The following DPP10 variants were observed in gnomAD, a reference collection of about 807,000 sequenced individuals.
DPP10 encodes dipeptidyl peptidase like 10.
A neutral mutation model predicts 120.9 loss-of-function variants in DPP10; 33 were observed. That is an observed-to-expected ratio of 0.27 (90% CI 0.21 to 0.37). DPP10 has a LOEUF of 0.37. Ranked by LOEUF, DPP10 falls within the 10% of genes least tolerant of loss-of-function variation. The probability of loss-of-function intolerance (pLI) is 1.00; values close to 1 mark genes in which losing one functional copy is unlikely to be tolerated. For synonymous variants in DPP10, 337 were observed against 326.1 expected (o/e 1.03, Z -0.36); for missense variants, 816 against 942.8 (o/e 0.87, Z 1.76).
At chr2:114,849,607 G>A (rs200475913) in intron 1 of DPP10, among the ~76,000 whole-genome samples, 149 of 152,002 alleles carry the variant, frequency 9.8e-4, no homozygotes, top group African/African-American at 2.7e-3. Flanking sequence ...CCACTTTGGC[G>A]TCCCAAAGTG....
intron 5 of DPP10, among the ~76,000 whole-genome samples, chr2:115,672,666 T>TTCTC (rs1178410248): frequency 7.7e-6 from 1 of 130,044 alleles, no homozygotes; most frequent in Non-Finnish European, 1.6e-5. Context: ...CTTTCTTTCT[T>TTCTC]TCTCTCTTTC....
intron 1 of DPP10, among the ~76,000 whole-genome samples, chr2:114,742,947 A>AT (rs980251060): frequency 2.6e-5 from 4 of 152,202 alleles, no homozygotes; most frequent in Admixed American, 2.6e-4. Flanking sequence ...ACACATTTGA[A>AT]TTTTTTGACA....
intron 5 of DPP10, among the ~76,000 whole-genome samples, chr2:115,560,879 A>C (rs1395001023): frequency 6.6e-6 from 1 of 152,128 alleles, no homozygotes; most frequent in African/African-American, 2.4e-5. Flanking sequence ...TCTTGTCTTG[A>C]TGTCTCACAA....
chr2:114,711,691 A>ATT (rs200968378), intron 1 of DPP10, among the ~76,000 whole-genome samples: 3 of 149,708 alleles, frequency 2.0e-5, no homozygotes, highest in Admixed American at 2.0e-4. Context: ...CGTTTTAATT[A>ATT]TTTTTTTTTT....
intron 19 of DPP10, among the ~76,000 whole-genome samples, chr2:115,793,875 A>C (rs535249734): frequency 6.6e-6 from 1 of 152,172 alleles, no homozygotes; most frequent in Non-Finnish European, 1.5e-5. Context: ...TTTTAAATTT[A>C]TACTTACAAT....
chr2:114,614,370 C>T (rs1333674275), intron 1 of DPP10, among the ~76,000 whole-genome samples: 2 of 152,118 alleles, frequency 1.3e-5, no homozygotes, highest in African/African-American at 4.8e-5. Flanking sequence ...CCTCTCTCCC[C>T]ACCTCTAATC....
At chr2:114,906,834 G>T (rs749758189) in intron 1 of DPP10, among the ~76,000 whole-genome samples, 14 of 152,004 alleles carry the variant, frequency 9.2e-5, no homozygotes, top group Non-Finnish European at 1.8e-4. Context: ...CTTTTGTGTT[G>T]TTTGGTGTCA....
chr2:114,531,565 C>T (rs1573581078), intron 1 of DPP10, among the ~76,000 whole-genome samples: 1 of 147,446 alleles, frequency 6.8e-6, no homozygotes, highest in Admixed American at 6.8e-5. Context: ...TATATGTATT[C>T]ATATATATAT....
At chr2:115,088,509 C>G (rs1366041093) in intron 1 of DPP10, among the ~76,000 whole-genome samples, 1 of 151,898 alleles carries the variant, frequency 6.6e-6, no homozygotes, top group East Asian at 1.9e-4. Context: ...AATGCAGTGG[C>G]CTGATCATGG....
rs115722269 is a variant in DPP10 at position 114,952,174 on chromosome 2, A to G, written c.61-357065A>G. 2.8e-3 allele frequency among the ~76,000 whole-genome samples: 420 copies of G among 152,128 alleles called. 2 individuals carry two copies. The highest frequency in any genetic ancestry group is 9.6e-3 in the African/African-American group (398 of 41,538). On this transcript the variant is annotated intron_variant, in intron 1 of 25. Coordinates refer to ENST00000410059, the MANE Select transcript of DPP10 (RefSeq NM_020868.6). ...TTATAAAATAATCTAAGTAATTAAT[A>G]AATGTGTATTGTGTATGATAAAGTT...
rs181407598 is a variant in DPP10, at chr2:115,838,251, A to G, written c.2182+1505A>G. 4.6e-5 allele frequency among the ~76,000 whole-genome samples: 7 copies of G among 152,292 alleles called. No homozygotes were observed. The East Asian group carries it at 1.4e-3, about 29-fold the overall frequency. On this transcript the variant is annotated intron_variant, in intron 24 of 25. Transcript: ENST00000410059. Reference sequence around the variant, plus strand: ...AGAGAGCGTAAAAATTTTGAGGGACATTTGGATGTTGTTCTAAGGTATTAA... The same window carrying G: ...AGAGAGCGTAAAAATTTTGAGGGACGTTTGGATGTTGTTCTAAGGTATTAA...
At chr2:115,278,179 A>G (rs1422065802) in intron 1 of DPP10, among the ~76,000 whole-genome samples, 1 of 152,186 alleles carries the variant, frequency 6.6e-6, no homozygotes, top group Non-Finnish European at 1.5e-5. Context: ...CCTTGGTAGA[A>G]AGATGGTTGT....
chr2:115,010,328 C>A (rs1333176230), intron 1 of DPP10, among the ~76,000 whole-genome samples: 1 of 152,124 alleles, frequency 6.6e-6, no homozygotes, highest in Non-Finnish European at 1.5e-5. Context: ...ATTCAAGAGA[C>A]CTTCTTTCTG....
chr2:114,642,430 C>A (rs1009942417), intron 1 of DPP10, among the ~76,000 whole-genome samples: 2 of 151,876 alleles, frequency 1.3e-5, no homozygotes, highest in Non-Finnish European at 1.5e-5. Flanking sequence ...GCACTACCCC[C>A]AATGAGTTGA....
chr2:114,868,935 G>T (rs1690455494), intron 1 of DPP10, among the ~76,000 whole-genome samples: 1 of 152,066 alleles, frequency 6.6e-6, no homozygotes, highest in African/African-American at 2.4e-5. Flanking sequence ...TTATCTGCAA[G>T]ACTGGGGAAA....
intron 3 of DPP10, among the ~76,000 whole-genome samples, chr2:115,478,965 ATAT>A (rs2075263481): frequency 2.0e-5 from 3 of 152,210 alleles, no homozygotes. Flanking sequence ...GGAATGTAAA[ATAT>A]TATAGCTGCT....
At chr2:115,675,507 C>T (rs1398452765) in intron 5 of DPP10, among the ~76,000 whole-genome samples, 7 of 152,058 alleles carry the variant, frequency 4.6e-5, no homozygotes, top group Non-Finnish European at 7.4e-5. Flanking sequence ...TGATGAAGAC[C>T]ATCTGAGGCA....
rs573644622 is a variant in DPP10 at position 115,748,507 on chromosome 2, A to C, written c.950+2324A>C. 7.2e-5 allele frequency among the ~76,000 whole-genome samples: 11 copies of C among 152,260 alleles called. No individual in the cohort carries two copies. In the South Asian group the frequency reaches 2.1e-3, roughly 29 times the overall value. On this transcript the variant is annotated intron_variant, in intron 10 of 25. Transcript: ENST00000410059. ...ATAAGGAGGAATAATAGTAAGATAA[A>C]TATAGAAAGATTTTTTTCATGACTT...
chr2:114,496,577 A>T (rs1188599839), intron 1 of DPP10, among the ~76,000 whole-genome samples: 1 of 152,042 alleles, frequency 6.6e-6, no homozygotes, highest in African/African-American at 2.4e-5. Flanking sequence ...CACTAATCCC[A>T]TTCATAAGGG....
Sources: gnomAD v4.1 joint callset for allele counts (sites outside exome capture counted in the v4.1 genomes callset) on GRCh38, gnomAD v4.1.1 for gene constraint, MANE v1.5 for transcripts, NCBI Gene and HGNC (gene_info 2026-07-23, HGNC 2026-07-21) for gene names.